The following EBLN2 variants were observed in gnomAD, a reference collection of about 807,000 sequenced individuals.
EBLN2 encodes endogenous Bornavirus like nucleoprotein 2.
For missense variants in EBLN2, 397 were observed against 324.2 expected (o/e 1.22, Z -1.72); for synonymous variants, 131 against 113.6 (o/e 1.15, Z -0.97).
the EBLN2 span, chr3:73,062,289 C>CT: frequency 1.2e-6 from 2 of 1,607,654 alleles, no homozygotes; most frequent in African/African-American, 2.7e-5. Flanking sequence ...CAGGAGTGGG[C>CT]TCCCTGACCT....
chr3:73,062,337 T>C lies in EBLN2; in HGVS notation c.256T>C (p.Tyr86His). ...RFELSGKNRQ[Y>H]PLDALEPQPS... ...TGAGCTATCTGGGAAAAACAGACAGTATCCACTGGATGCATTGGAACCCCA... is the reference window on the plus strand; with the variant it reads ...TGAGCTATCTGGGAAAAACAGACAGCATCCACTGGATGCATTGGAACCCCA... Residue 86 changes from tyrosine (Y) to histidine (H), a missense_variant, in exon 1 of 1, where the codon TAT (tyrosine) becomes CAT (histidine). Tyr to His is a moderately conservative substitution (Grantham distance 83). Transcript: ENST00000533473. The C allele has an allele frequency of 6.2e-7, 1 of 1,608,002 alleles. No homozygotes were observed. The highest frequency in any genetic ancestry group is 1.7e-4 in the Middle Eastern group (1 of 6,026).
Position 73,062,377 on chromosome 3 carries a change from A to C in EBLN2, c.296A>C (p.Asp99Ala). 1 of 1,607,208 alleles carries C rather than the reference A, an allele frequency of 6.2e-7. No homozygotes were observed. Residue 99 changes from aspartate to alanine, a missense_variant, in exon 1 of 1, where the codon GAT becomes GCT. Transcript: ENST00000533473. Reference sequence around the variant, plus strand: ...TTGGAACCCCAACCCAGCATTGGGGATATTAAGGACATTAAAAAAGCAGCC... The same window carrying C: ...TTGGAACCCCAACCCAGCATTGGGGCTATTAAGGACATTAAAAAAGCAGCC... ...DALEPQPSIGDIKDIKKAAKS... is the reference protein window; with the variant it reads ...DALEPQPSIGAIKDIKKAAKS...
rs961176785 is a variant in EBLN2 at position 73,062,507 on chromosome 3, T to C, written c.426T>C (p.Ser142=). Residue 142 remains serine (S), a synonymous_variant, in exon 1 of 1, where the codon AGT becomes AGC. Coordinates refer to ENST00000533473, the MANE Select transcript of EBLN2 (RefSeq NM_018029.4). ...ATGGGTTACACCAGGCATTACTGAG[T>C]GTTGGTGTGAGCAAGAGGTCTAATA... ...IFDGLHQALL[S]VGVSKRSNTV... 6.2e-7 allele frequency: 1 copy of C among 1,613,574 alleles called. No homozygotes were observed. The highest frequency in any genetic ancestry group is 8.5e-7 in the Non-Finnish European group (1 of 1,179,780).
In EBLN2 at chr3:73,062,631, C is replaced by T. The variant is rs748665685; in HGVS notation, c.550C>T (p.Arg184Cys). ...TGCCCTTGAGAAGTCATCAGTTCTCCGCCACTGCTGTGACCTTTTGATAGG... is the reference window on the plus strand; with the variant it reads ...TGCCCTTGAGAAGTCATCAGTTCTCTGCCACTGCTGTGACCTTTTGATAGG... ...FIALEKSSVL[R>C]HCCDLLIGIA... Residue 184 changes from arginine (R) to cysteine (C), a missense_variant, in exon 1 of 1, where the codon CGC becomes TGC. Physicochemically the swap from Arg to Cys is radical, Grantham distance 180 (BLOSUM62 -3). Transcript: ENST00000533473. 114 of 1,613,834 alleles carry T rather than the reference C, an allele frequency of 7.1e-5. No homozygotes were observed. Among genetic ancestry groups the T allele is most frequent in the Middle Eastern group, 1.6e-4 (1 of 6,082 alleles).
In EBLN2 at chr3:73,063,130, G is replaced by T. The variant is rs1240448809; in HGVS notation, c.*230G>T. The T allele has an allele frequency of 7.7e-6, 4 of 517,142 alleles. No homozygotes were observed. In the Admixed American group the frequency reaches 1.2e-4, roughly 15 times the overall value. The allele number at this position is 517,142 out of a possible 1,614,324, so 32.0% of individuals were successfully genotyped here. A position where few individuals can be genotyped will look rare whatever the true frequency, so the allele number is the denominator to read the frequency against. ...ACGAATGTTCCCAAACTTAGCAACA[G>T]CGGCAAACTACTGGGCCAAGATGAG... On this transcript the variant is annotated 3_prime_UTR_variant, in exon 1 of 1. Transcript: ENST00000533473.
rs772457593 is a variant in EBLN2, at chr3:73,062,371, T to C, written c.290T>C (p.Ile97Thr). 1.2e-5 allele frequency: 19 copies of C among 1,606,982 alleles called. No individual in the cohort carries two copies. The South Asian group carries it at 1.4e-4, about 12-fold the overall frequency. ...GATGCATTGGAACCCCAACCCAGCA[T>C]TGGGGATATTAAGGACATTAAAAAA... ...PLDALEPQPSIGDIKDIKKAA... is the reference protein window; with the variant it reads ...PLDALEPQPSTGDIKDIKKAA... Residue 97 changes from isoleucine to threonine, a missense_variant, in exon 1 of 1, where the codon ATT (isoleucine) becomes ACT (threonine). Physicochemically the swap from Ile to Thr is moderately conservative, Grantham distance 89 (BLOSUM62 -1). Transcript: ENST00000533473.
Position 73,063,033 on chromosome 3 carries a change from TA to T in EBLN2, c.*138del, listed in dbSNP as rs373376316. 1.1e-5 allele frequency: 9 copies of T among 854,182 alleles called. No individual in the cohort carries two copies. Among genetic ancestry groups the T allele is most frequent in the Non-Finnish European group, 1.3e-5 (7 of 538,830 alleles). The allele number at this position is 854,182 out of a possible 1,614,324, so 52.9% of individuals were successfully genotyped here. A position where few individuals can be genotyped will look rare whatever the true frequency, so the allele number is the denominator to read the frequency against. On this transcript the variant is annotated 3_prime_UTR_variant, in exon 1 of 1. Transcript: ENST00000533473. ...CTTTGAGGAGAAAAAAAACAATGGTTAAAAAGGCATTGGGGAAATATTTTGA... is the reference window on the plus strand; with the variant it reads ...CTTTGAGGAGAAAAAAAACAATGGTTAAAAGGCATTGGGGAAATATTTTGA...
chr3:73,062,483 T>TG, the EBLN2 span: 7 of 1,613,282 alleles, frequency 4.3e-6, no homozygotes, highest in Non-Finnish European at 5.9e-6. Context: ...TCATATTTGA[T>TG]GGGTTACACC....
Position 73,063,085 on chromosome 3 carries a change from A to G in EBLN2, c.*185A>G. On this transcript the variant is annotated 3_prime_UTR_variant, in exon 1 of 1. Coordinates refer to ENST00000533473, the MANE Select transcript of EBLN2 (RefSeq NM_018029.4). ...GTTTGGGGGTGTACTTTGCCACCCC[A>G]TTATTGGGGAGCTGTCACCACGAAT... is the stretch of plus-strand genomic sequence containing the variant. The G allele has an allele frequency of 4.9e-6, 3 of 608,330 alleles. No homozygotes were observed. Among genetic ancestry groups the G allele is most frequent in the South Asian group, 2.3e-5 (1 of 43,284 alleles). 37.7% of individuals were successfully genotyped at this position (608,330 alleles called of 1,614,324 possible).
At position 73,062,622 on chromosome 3, in the gene EBLN2, T is replaced by G. The variant is rs752311947; in HGVS notation, c.541T>G (p.Ser181Ala). Reference sequence around the variant, plus strand: ...TAACTTTATTGCCCTTGAGAAGTCATCAGTTCTCCGCCACTGCTGTGACCT... The same window carrying G: ...TAACTTTATTGCCCTTGAGAAGTCAGCAGTTCTCCGCCACTGCTGTGACCT... ...MPNFIALEKS[S>A]VLRHCCDLLI... Residue 181 changes from serine (S) to alanine (A), a missense_variant, in exon 1 of 1, where the codon TCA becomes GCA. Physicochemically the swap from Ser to Ala is moderately conservative, Grantham distance 99. Coordinates refer to ENST00000533473, the MANE Select transcript of EBLN2 (RefSeq NM_018029.4). 4 of 1,613,884 alleles carry G rather than the reference T, an allele frequency of 2.5e-6. No individual in the cohort carries two copies. The highest frequency in any genetic ancestry group is 3.4e-6 in the Non-Finnish European group (4 of 1,179,902).
chr3:73,063,004 C>T lies in EBLN2; in HGVS notation c.*104C>T. 2 of 1,053,018 alleles carry T rather than the reference C, an allele frequency of 1.9e-6. No homozygotes were observed. Among genetic ancestry groups the T allele is most frequent in the Non-Finnish European group, 2.8e-6 (2 of 708,642 alleles). The allele number at this position is 1,053,018 out of a possible 1,614,324, so 65.2% of individuals were successfully genotyped here. On this transcript the variant is annotated 3_prime_UTR_variant, in exon 1 of 1. Coordinates refer to ENST00000533473, the MANE Select transcript of EBLN2 (RefSeq NM_018029.4). The stretch of plus-strand genomic sequence containing the variant: ...CTACGGGCCATTGTGTCTGAGATCC[C>T]AGTCTTTGAGGAGAAAAAAAACAAT...
Position 73,062,121 on chromosome 3 carries a change from C to T in EBLN2, c.40C>T (p.His14Tyr). 1.3e-6 allele frequency: 2 copies of T among 1,548,462 alleles called. No individual in the cohort carries two copies. The highest frequency in any genetic ancestry group is 1.7e-6 in the Non-Finnish European group (2 of 1,147,046). The change falls in exon 1 of 1, where the codon CAC becomes TAC. Residue 14 changes from histidine (H) to tyrosine (Y), a missense_variant. Physicochemically the swap from His to Tyr is moderately conservative, Grantham distance 83. Transcript: ENST00000533473. ...FLKLYAYVNS[H>Y]SLFVWVCDRS... ...TAAATTGTATGCTTATGTTAATTCT[C>T]ACAGTCTTTTTGTTTGGGTCTGTGA...
chr3:73,063,134 C>T lies in EBLN2; in HGVS notation c.*234C>T, dbSNP rs1250606575. The T allele has an allele frequency of 3.9e-6, 2 of 512,242 alleles. No homozygotes were observed. The highest frequency in any genetic ancestry group is 7.1e-6 in the Non-Finnish European group (2 of 282,378). The allele number at this position is 512,242 out of a possible 1,614,324, so 31.7% of individuals were successfully genotyped here. Reference sequence around the variant, plus strand: ...ATGTTCCCAAACTTAGCAACAGCGGCAAACTACTGGGCCAAGATGAGCAAC... The same window carrying T: ...ATGTTCCCAAACTTAGCAACAGCGGTAAACTACTGGGCCAAGATGAGCAAC... On this transcript the variant is annotated 3_prime_UTR_variant, in exon 1 of 1. Coordinates refer to ENST00000533473, the MANE Select transcript of EBLN2 (RefSeq NM_018029.4).
Position 73,063,272 on chromosome 3 carries a change from G to A in EBLN2, c.*372G>A, listed in dbSNP as rs1223524617. 1 of 268,422 alleles carries A rather than the reference G, an allele frequency of 3.7e-6. No individual in the cohort carries two copies. Among genetic ancestry groups the A allele is most frequent in the African/African-American group, 2.5e-5 (1 of 40,332 alleles). The allele number at this position is 268,422 out of a possible 1,614,324, so 16.6% of individuals were successfully genotyped here. ...GATCTTGAGGGGGGAGTGTTGGGTGGAATCATAGATCCATGCACTCCTAAC... is the reference window on the plus strand; with the variant it reads ...GATCTTGAGGGGGGAGTGTTGGGTGAAATCATAGATCCATGCACTCCTAAC... On this transcript the variant is annotated 3_prime_UTR_variant, in exon 1 of 1. Transcript: ENST00000533473.
Position 73,062,125 on chromosome 3 carries a change from G to A in EBLN2, c.44G>A (p.Ser15Asn). 1.9e-6 allele frequency: 3 copies of A among 1,549,246 alleles called. No homozygotes were observed. The highest frequency in any genetic ancestry group is 1.7e-6 in the Non-Finnish European group (2 of 1,147,384). Residue 15 changes from serine to asparagine, a missense_variant, in exon 1 of 1, where the codon AGT becomes AAT. Coordinates refer to ENST00000533473, the MANE Select transcript of EBLN2 (RefSeq NM_018029.4). The part of the protein sequence containing the change: ...LKLYAYVNSH[S>N]LFVWVCDRSY... ...TTGTATGCTTATGTTAATTCTCACA[G>A]TCTTTTTGTTTGGGTCTGTGACAGA...
chr3:73,063,142 T>C lies in EBLN2; in HGVS notation c.*242T>C. On this transcript the variant is annotated 3_prime_UTR_variant, in exon 1 of 1. Transcript: ENST00000533473. ...AAACTTAGCAACAGCGGCAAACTAC[T>C]GGGCCAAGATGAGCAACCCCACATT... 2.0e-6 allele frequency: 1 copy of C among 495,774 alleles called. No individual in the cohort carries two copies. The highest frequency in any genetic ancestry group is 2.6e-5 in the South Asian group (1 of 38,942). The allele number at this position is 495,774 out of a possible 1,614,324, so 30.7% of individuals were successfully genotyped here.
rs1038815088 is a variant in EBLN2, at chr3:73,063,068, G to T, written c.*168G>T. The stretch of plus-strand genomic sequence containing the variant: ...TTGGGGAAATATTTTGAGTTTGGGG[G>T]TGTACTTTGCCACCCCATTATTGGG... On this transcript the variant is annotated 3_prime_UTR_variant, in exon 1 of 1. Coordinates refer to ENST00000533473, the MANE Select transcript of EBLN2 (RefSeq NM_018029.4). 4 of 684,572 alleles carry T rather than the reference G, an allele frequency of 5.8e-6. No individual in the cohort carries two copies. The Admixed American group carries it at 9.9e-5, about 17-fold the overall frequency. The allele number at this position is 684,572 out of a possible 1,614,324, so 42.4% of individuals were successfully genotyped here.
In EBLN2 at chr3:73,062,147, C is replaced by A. The variant is rs1356135082; in HGVS notation, c.66C>A (p.Asp22Glu). ...ACAGTCTTTTTGTTTGGGTCTGTGA[C>A]AGATCTTACAAAAGATCTTTTAGAC... ...NSHSLFVWVC[D>E]RSYKRSFRPM... Residue 22 changes from aspartate to glutamate, a missense_variant, in exon 1 of 1, where the codon GAC (aspartate) becomes GAA (glutamate). Physicochemically the swap from Asp to Glu is conservative, Grantham distance 45. Transcript: ENST00000533473. The A allele has an allele frequency of 1.3e-6, 2 of 1,547,474 alleles. No individual in the cohort carries two copies. Among genetic ancestry groups the A allele is most frequent in the Non-Finnish European group, 1.7e-6 (2 of 1,148,076 alleles).
chr3:73,062,007 TTTG>T lies in EBLN2; in HGVS notation c.-72_-70del. Reference sequence around the variant, plus strand: ...ATTTCTTTTATGAAGCAAAATATGTTTTGTTTTGCTCATGAACGTGAGGTATTT... The same window carrying T: ...ATTTCTTTTATGAAGCAAAATATGTTTTTTGCTCATGAACGTGAGGTATTT... On this transcript the variant is annotated 5_prime_UTR_variant, in exon 1 of 1. Coordinates refer to ENST00000533473, the MANE Select transcript of EBLN2 (RefSeq NM_018029.4). 9.3e-7 allele frequency: 1 copy of T among 1,071,558 alleles called. No homozygotes were observed. The highest frequency in any genetic ancestry group is 1.3e-6 in the Non-Finnish European group (1 of 757,862). The allele number at this position is 1,071,558 out of a possible 1,614,324, so 66.4% of individuals were successfully genotyped here.
Sources: allele counts gnomAD v4.1 joint callset, GRCh38; gene constraint gnomAD v4.1.1; transcripts MANE v1.5; gene names NCBI Gene and HGNC (gene_info 2026-07-23, HGNC 2026-07-21).